Variants in GALK1 observed in about 807,000 individuals in gnomAD.
GALK1 encodes galactokinase 1, also known as galactokinase.
GALK1 carries 30 observed loss-of-function variants against 38.6 expected under a neutral mutation model. The ratio of observed to expected loss-of-function variants is 0.78; its 90% CI spans 0.58 to 1.05. The LOEUF (loss-of-function observed/expected upper bound fraction) is 1.05, where lower values mean the gene tolerates loss of function less well. Ranked by LOEUF, GALK1 falls within the 50% of genes least tolerant of loss-of-function variation. GALK1 has a pLI of 0.00. For missense variants in GALK1, 512 were observed against 540.5 expected, an observed-to-expected ratio of 0.95 and a Z score of 0.52; for synonymous variants, 240 against 233.6, an observed-to-expected ratio of 1.03 and a Z score of -0.25.
rs754230597 is a variant in GALK1 at position 75,764,049 on chromosome 17, C to T, written c.203G>A (p.Arg68His). ...GAGGAGAGACACCAGCCCATCCTTG[C>T]GGGGGCTGCCCACCAGCACCGTCAT... ...ELMTVLVGSP[R>H]KDGLVSLLTT... Residue 68 changes from arginine to histidine, a missense_variant, in exon 2 of 8, where the codon CGC (arginine) becomes CAC (histidine). Arg to His is a conservative substitution (Grantham distance 29, BLOSUM62 0). Coordinates refer to ENST00000588479, the MANE Select transcript of GALK1 (RefSeq NM_000154.2). 1.3e-6 allele frequency: 2 copies of T among 1,596,078 alleles called. No homozygotes were observed. Among genetic ancestry groups the T allele is most frequent in the Non-Finnish European group, 1.7e-6 (2 of 1,173,462 alleles).
chr17:75,763,387 C>T lies in GALK1; in HGVS notation c.408G>A (p.Gly136=), dbSNP rs138057626. 21 of 1,613,012 alleles carry T rather than the reference C, an allele frequency of 1.3e-5. No homozygotes were observed. The highest frequency in any genetic ancestry group is 1.7e-5 in the Non-Finnish European group (20 of 1,179,722). ...AGGATGCTGAGCTGGACAGGCCACC[C>T]CCCAGGGGCACTGAGCTGACCACCA... The part of the protein sequence containing the change: ...SAVVVSSVPL[G]GGLSSSASLE... Residue 136 remains glycine (G), a synonymous_variant, in exon 3 of 8, where the codon GGG becomes GGA. Transcript: ENST00000588479.
At chr17:75,764,192 T>G in intron 1 of GALK1, 106 bp from the exon 2 acceptor site, 3 of 1,075,126 alleles carry the variant, frequency 2.8e-6, no homozygotes, top group Non-Finnish European at 4.2e-6. Flanking sequence ...GTCATCAGGT[T>G]CTGAACCTCC....
At chr17:75,754,097 G>C (rs921625206), downstream of GALK1, 11 of 445,934 alleles carry the variant, frequency 2.5e-5, no homozygotes, top group African/African-American at 6.1e-5. Flanking sequence ...GGGCCTTGGC[G>C]GCTGGGAGCA....
At chr17:75,753,013 C>T (rs58637300), downstream of GALK1, among the ~76,000 whole-genome samples, 1 of 152,212 alleles carries the variant, frequency 6.6e-6, no homozygotes. Flanking sequence ...CAAAGTGCTG[C>T]GGAGCCCTTA....
At chr17:75,764,402 G>C (rs1210388033) in intron 1 of GALK1, 2 of 618,526 alleles carry the variant, frequency 3.2e-6, no homozygotes, top group East Asian at 3.7e-5. Flanking sequence ...TTTTGGGGTG[G>C]CTCTGGACAT....
intron 2 of GALK1, 197 bp from the exon 3 acceptor site, chr17:75,763,636 G>A: frequency 4.2e-6 from 3 of 716,872 alleles, no homozygotes; most frequent in Non-Finnish European, 7.1e-6. Context: ...AGGTTGCTGG[G>A]ACACTTCTAA....
intron 5 of GALK1, among the ~76,000 whole-genome samples, chr17:75,761,928 G>A (rs1037520143): frequency 3.2e-4 from 49 of 152,280 alleles, no homozygotes; most frequent in African/African-American, 1.2e-3. Context: ...GCTGAGGCAG[G>A]AGAATCACTT....
Position 75,763,092 on chromosome 17 carries a change from G to A in GALK1, c.533C>T (p.Ala178Val). The A allele has an allele frequency of 6.2e-7, 1 of 1,612,686 alleles. No individual in the cohort carries two copies. Residue 178 changes from alanine to valine, a missense_variant, in exon 4 of 8, where the codon GCA becomes GTA. By Grantham distance (64) the Ala-to-Val change is moderately conservative (BLOSUM62 0). Transcript: ENST00000588479. Reference protein sequence around the residue: ...QVCQQAEHSFAGMPCGIMDQF... With the variant: ...QVCQQAEHSFVGMPCGIMDQF... The stretch of plus-strand genomic sequence containing the variant: ...GTCCATGATGCCACAGGGCATCCCT[G>A]CGAAGCTGTGCTCGGCCTGCTGACA...
downstream of GALK1, chr17:75,755,236 G>A (rs1263145612): frequency 2.5e-6 from 4 of 1,594,730 alleles, no homozygotes; most frequent in Non-Finnish European, 2.6e-6. Flanking sequence ...TGGCCATCCT[G>A]TCTCCACAGC....
rs746861299 is a variant in GALK1, at chr17:75,763,143, C to A, written c.482G>T (p.Gly161Val). Residue 161 changes from glycine (G) to valine (V), a missense_variant, in exon 4 of 8, where the codon GGC becomes GTC. Physicochemically the swap from Gly to Val is moderately radical, Grantham distance 109. Transcript: ENST00000588479. ...TFLQQLCPDS[G>V]TIAARAQVCQ... ...CACCTGGGCGCGGGCAGCTATTGTG[C>A]CCGAGTCTGCAGTACAGGGTGAGGT... is the stretch of plus-strand genomic sequence containing the variant. 1 of 1,611,620 alleles carries A rather than the reference C, an allele frequency of 6.2e-7. No individual in the cohort carries two copies. The highest frequency in any genetic ancestry group is 2.2e-5 in the East Asian group (1 of 44,874).
At chr17:75,753,995 C>A, downstream of GALK1, 1 of 1,088,774 alleles carries the variant, frequency 9.2e-7, no homozygotes, top group East Asian at 3.3e-5. Context: ...CACCCGCCGC[C>A]CCCCGATCCG....
intron 1 of GALK1, 37 bp downstream of exon 1, chr17:75,764,932 AGGC>A (rs1156239191): frequency 1.9e-6 from 3 of 1,588,176 alleles, no homozygotes; most frequent in Admixed American, 1.8e-5. Context: ...CGGCCGGGAC[AGGC>A]GGCGGCGGGC....
Position 75,758,553 on chromosome 17 carries a change from G to T in GALK1, c.840C>A (p.His280Gln). The T allele has an allele frequency of 6.3e-7, 1 of 1,596,516 alleles. No homozygotes were observed. Among genetic ancestry groups the T allele is most frequent in the Admixed American group, 1.7e-5 (1 of 59,196 alleles). Residue 280 changes from histidine to glutamine, a missense_variant, in exon 6 of 8, where the codon CAC becomes CAA. Physicochemically the swap from His to Gln is conservative, Grantham distance 24 (BLOSUM62 0). Coordinates refer to ENST00000588479, the MANE Select transcript of GALK1 (RefSeq NM_000154.2). ...VSKEGFRRAR[H>Q]VVGEIRRTAQ... ...CCGTGCGCCGAATCTCCCCCACCAC[G>T]TGCCGGGCCCGCCGGAAGCCCTCTT... is the stretch of plus-strand genomic sequence containing the variant.
At chr17:75,755,646 C>T, downstream of GALK1, 3 of 1,607,986 alleles carry the variant, frequency 1.9e-6, no homozygotes, top group Non-Finnish European at 2.5e-6. Context: ...CACTGTGACT[C>T]CCACTGAGAC....
downstream of GALK1, chr17:75,757,534 C>CCAA (rs1175623938): frequency 1.9e-6 from 3 of 1,613,468 alleles, no homozygotes; most frequent in Non-Finnish European, 2.5e-6. Context: ...CCCACATGGA[C>CCAA]CAACAGTTCT....
At chr17:75,752,556 C>T in intron 8 of GALK1, 1 of 1,613,620 alleles carries the variant, frequency 6.2e-7, no homozygotes, top group Non-Finnish European at 8.5e-7. Flanking sequence ...CAGCCAGAGG[C>T]CCAGCGTCTC....
downstream of GALK1, chr17:75,753,692 G>A: frequency 1.9e-6 from 2 of 1,054,434 alleles, no homozygotes; most frequent in South Asian, 3.3e-5. Context: ...AGAGCCTACG[G>A]CCTTCCCCCG....
downstream of GALK1, chr17:75,756,968 T>C (rs746315107): frequency 1.2e-6 from 2 of 1,612,682 alleles, no homozygotes; most frequent in Non-Finnish European, 1.7e-6. Context: ...TCCGGGTGGA[T>C]GGAGACAGCC....
At position 75,765,188 on chromosome 17, in the gene GALK1, G is replaced by C. The variant is rs1334249122; in HGVS notation, c.-52C>G. 2 of 1,374,560 alleles carry C rather than the reference G, an allele frequency of 1.5e-6. No homozygotes were observed. The highest frequency in any genetic ancestry group is 3.0e-5 in the East Asian group (1 of 32,824). The allele number at this position is 1,374,560 out of a possible 1,614,324, so 85.1% of individuals were successfully genotyped here. A position where few individuals can be genotyped will look rare whatever the true frequency, so the allele number is the denominator to read the frequency against. On this transcript the variant is annotated 5_prime_UTR_variant, in exon 1 of 8. Transcript: ENST00000588479. ...TGCTCCGGCACAGCCCCGTCGGCGC[G>C]GGATGCTCGGGCGGGGCCCCGCGCG...
Sources: gnomAD v4.1 joint callset for allele counts (sites outside exome capture counted in the v4.1 genomes callset) on GRCh38, gnomAD v4.1.1 for gene constraint, MANE v1.5 for transcripts, NCBI Gene and HGNC (gene_info 2026-07-23, HGNC 2026-07-21) for gene names.